CNTRL: variants seen among roughly 807,000 people sequenced by gnomAD.
CNTRL encodes the protein 110 kDa centrosomal protein.
CNTRL carries 233 observed loss-of-function variants against 303.7 expected under a neutral mutation model. The observed-to-expected ratio is 0.77, with a 90% CI of 0.69 to 0.86. The LOEUF (loss-of-function observed/expected upper bound fraction) is 0.86, where lower values mean the gene tolerates loss of function less well. CNTRL is among the 40% of genes least tolerant of loss of function. CNTRL has a pLI of 0.00. For missense variants in CNTRL, 2,524 were observed against 2,650.6 expected (o/e 0.95, Z 1.05); for synonymous variants, 900 against 922.2 (o/e 0.98, Z 0.44).
chr9:121,118,709 G>A, intron 12 of CNTRL, 169 bp downstream of exon 12: 3 of 457,344 alleles, frequency 6.6e-6, no homozygotes, highest in South Asian at 6.0e-5. Flanking sequence ...CTGCATCTGT[G>A]GATTTAACCA....
chr9:121,145,897 A>G (rs1431953926), intron 22 of CNTRL, among the ~76,000 whole-genome samples: 2 of 152,184 alleles, frequency 1.3e-5, no homozygotes, highest in Non-Finnish European at 2.9e-5. Flanking sequence ...ACTCTGTCTC[A>G]AAAAAAGAAA....
chr9:121,092,457 A>ATATATATATAATATATATC (rs1564194221), intron 4 of CNTRL, among the ~76,000 whole-genome samples: 2 of 111,742 alleles, frequency 1.8e-5, no homozygotes, highest in African/African-American at 3.6e-5. Flanking sequence ...ATATATATCT[A>ATATATATATAATATATATC]TATATATATA....
At chr9:121,094,842 C>T (rs750362350) in intron 4 of CNTRL, 46 bp from the exon 5 acceptor site, 22 of 1,395,762 alleles carry the variant, frequency 1.6e-5, no homozygotes, top group Admixed American at 2.3e-5. Context: ...TACTTTATGT[C>T]AAGTCATCTG....
At chr9:121,164,163 C>T (rs780534228) in intron 34 of CNTRL, among the ~76,000 whole-genome samples, 3 of 152,050 alleles carry the variant, frequency 2.0e-5, no homozygotes, top group Non-Finnish European at 2.9e-5. Flanking sequence ...CGCATCTGGC[C>T]GGAACTTTCA....
intron 43 of CNTRL, among the ~76,000 whole-genome samples, chr9:121,176,229 C>G (rs1025416052): frequency 3.3e-5 from 5 of 152,140 alleles, no homozygotes; most frequent in African/African-American, 1.2e-4. Flanking sequence ...AAGGACATAG[C>G]AAAGGACAAC....
At chr9:121,080,906 G>A (rs932877746) in intron 2 of CNTRL, among the ~76,000 whole-genome samples, 2 of 152,210 alleles carry the variant, frequency 1.3e-5, no homozygotes, top group African/African-American at 4.8e-5. Context: ...AGCTTTATGT[G>A]TCATGGGAGC....
rs1306157385 is a variant in CNTRL at position 121,168,467 on chromosome 9, G to A, written c.6070+146G>A. ...GTAAAGCAGGAGGTATGATAGCCCTGTGAAAGATGAGGAAGCAGGTTCAGA... is the reference window on the plus strand; with the variant it reads ...GTAAAGCAGGAGGTATGATAGCCCTATGAAAGATGAGGAAGCAGGTTCAGA... On this transcript the variant is annotated intron_variant, in intron 38 of 43. Coordinates refer to ENST00000373855, the MANE Select transcript of CNTRL (RefSeq NM_007018.6). 7 of 654,468 alleles carry A rather than the reference G, an allele frequency of 1.1e-5. No homozygotes were observed. In the East Asian group the frequency reaches 1.9e-4, roughly 18 times the overall value. 40.5% of individuals were successfully genotyped at this position (654,468 alleles called of 1,614,324 possible). A position where few individuals can be genotyped will look rare whatever the true frequency, so the allele number is the denominator to read the frequency against.
At chr9:121,161,152 G>A (rs1442336034) in intron 32 of CNTRL, 17 of 382,364 alleles carry the variant, frequency 4.4e-5, no homozygotes, top group Admixed American at 1.4e-4. Context: ...GTGTGCGCGC[G>A]TGCTCACGCG....
At chr9:121,152,274 C>T (rs970369334) in intron 25 of CNTRL, 3 of 524,738 alleles carry the variant, frequency 5.7e-6, no homozygotes, top group African/African-American at 5.7e-5. Context: ...GTTTCTCAGT[C>T]ATAGTTGGAC....
intron 40 of CNTRL, among the ~76,000 whole-genome samples, chr9:121,172,774 G>A (rs907077498): frequency 1.3e-5 from 2 of 152,124 alleles, no homozygotes; most frequent in South Asian, 4.1e-4. Flanking sequence ...CTCATTTGTG[G>A]CTTATTTACT....
Position 121,143,948 on chromosome 9 carries a change from G to T in CNTRL, c.2917G>T (p.Asp973Tyr), listed in dbSNP as rs774160106. Residue 973 changes from aspartate (D) to tyrosine (Y), a missense_variant, in exon 20 of 44, where the codon GAT becomes TAT. Asp to Tyr is a radical substitution (Grantham distance 160). Coordinates refer to ENST00000373855, the MANE Select transcript of CNTRL (RefSeq NM_007018.6). ...ATCTCAGGAGCAAGTTTTTGGTTTA[G>T]ATAAAGAACTGAAGAAACTAAAGAA... Reference protein sequence around the residue: ...AKSQEQVFGLDKELKKLKKAV... With the variant: ...AKSQEQVFGLYKELKKLKKAV... 1.4e-5 allele frequency: 23 copies of T among 1,611,022 alleles called. No individual in the cohort carries two copies. Among genetic ancestry groups the T allele is most frequent in the Non-Finnish European group, 2.0e-5 (23 of 1,179,170 alleles).
chr9:121,124,455 G>C (rs10818509), intron 13 of CNTRL, among the ~76,000 whole-genome samples: 90,568 of 151,950 alleles, frequency 0.6, 29,214 homozygotes, highest in South Asian at 0.89. Context: ...TTAGGATCTA[G>C]TTTTGCAATG....
Position 121,115,148 on chromosome 9 carries a change from T to G in CNTRL, c.1403T>G (p.Leu468Trp), listed in dbSNP as rs758921736. 5 of 1,610,948 alleles carry G rather than the reference T, an allele frequency of 3.1e-6. No individual in the cohort carries two copies. The highest frequency in any genetic ancestry group is 1.1e-5 in the South Asian group (1 of 90,552). The change falls in exon 11 of 44, where the codon TTG (leucine) becomes TGG (tryptophan). Residue 468 changes from leucine (L) to tryptophan (W), a missense_variant. Coordinates refer to ENST00000373855, the MANE Select transcript of CNTRL (RefSeq NM_007018.6). ...DEIEKAEQQI[L>W]RATEEFKQLE... ...ATAGAAAAGGCAGAACAACAAATTT[T>G]GAGAGCTACTGAAGAATTTAAACAA... is the stretch of plus-strand genomic sequence containing the variant.
intron 12 of CNTRL, 86 bp downstream of exon 12, chr9:121,118,626 G>T: frequency 8.6e-7 from 1 of 1,159,928 alleles, no homozygotes. Context: ...AGTCCTTTCT[G>T]AAAGTCTGTT....
In CNTRL at chr9:121,108,966, G is replaced by A. The variant is rs567808296; in HGVS notation, c.1002+971G>A. Among the ~76,000 whole-genome samples the A allele has an allele frequency of 3.3e-5, 5 of 152,000 alleles. No homozygotes were observed. In the East Asian group the frequency reaches 9.6e-4, roughly 29 times the overall value. ...AATTACATAATGTATATATAATTAA[G>A]CATGTTATACCTTTGAATATTTTTG... On this transcript the variant is annotated intron_variant, in intron 8 of 43. Coordinates refer to ENST00000373855, the MANE Select transcript of CNTRL (RefSeq NM_007018.6).
chr9:121,165,109 C>T lies in CNTRL; in HGVS notation c.5581+9C>T. On this transcript the variant is annotated intron_variant, in intron 35 of 43. Transcript: ENST00000373855. ...GCAACAGCAGCTCCAAGGTATAAGG[C>T]AGCAAAACAGTGAAAGTGTGTGATT... 6.4e-7 allele frequency: 1 copy of T among 1,550,602 alleles called. No homozygotes were observed. Among genetic ancestry groups the T allele is most frequent in the Non-Finnish European group, 8.7e-7 (1 of 1,152,390 alleles).
At chr9:121,095,435 A>C (rs1165690652) in intron 5 of CNTRL, among the ~76,000 whole-genome samples, 1 of 152,204 alleles carries the variant, frequency 6.6e-6, no homozygotes, top group South Asian at 2.1e-4. Context: ...TTGCTACAAG[A>C]AATATGCTCT....
rs1490134246 is a variant in CNTRL at position 121,158,982 on chromosome 9, G to A, written c.4892G>A (p.Gly1631Glu). 2 of 1,614,170 alleles carry A rather than the reference G, an allele frequency of 1.2e-6. No homozygotes were observed. The highest frequency in any genetic ancestry group is 1.7e-5 in the Admixed American group (1 of 60,014). ...GACCTCCAGGAAGCTCTGAGACTGG[G>A]AGAGACTGAAGTAACTGAGAAGTGC... ...KADLQEALRL[G>E]ETEVTEKCNH... Residue 1631 changes from glycine to glutamate, a missense_variant, in exon 31 of 44, where the codon GGA (glycine) becomes GAA (glutamate). Coordinates refer to ENST00000373855, the MANE Select transcript of CNTRL (RefSeq NM_007018.6).
chr9:121,136,075 G>GT (rs944803122), intron 15 of CNTRL, 93 bp downstream of exon 15: 18 of 1,182,812 alleles, frequency 1.5e-5, no homozygotes, highest in African/African-American at 3.1e-5. Context: ...AAAATTAAGC[G>GT]TTTTTTCATA....
Sources: allele counts gnomAD v4.1 joint callset (sites outside exome capture counted in the v4.1 genomes callset), GRCh38; gene constraint gnomAD v4.1.1; transcripts MANE v1.5; gene names NCBI Gene and HGNC (gene_info 2026-07-23, HGNC 2026-07-21).